DYNC1I1: variants seen among roughly 807,000 people sequenced by gnomAD.
DYNC1I1 encodes the protein dynein cytoplasmic 1 intermediate chain 1, also known as cytoplasmic dynein 1 intermediate chain 1.
In DYNC1I1, 43 loss-of-function variants were observed where a neutral mutation model predicts 86.6. The ratio of observed to expected loss-of-function variants is 0.50; its 90% CI spans 0.39 to 0.64. The LOEUF is 0.64. Among genes scored for constraint, DYNC1I1 ranks in the 30% least tolerant of loss-of-function variants. The pLI, the probability that DYNC1I1 is intolerant of heterozygous loss-of-function variation, is 0.00. For synonymous variants in DYNC1I1, 262 were observed against 283.7 expected, an observed-to-expected ratio of 0.92 and a Z score of 0.77; for missense variants, 604 against 788.8, an observed-to-expected ratio of 0.77 and a Z score of 2.81.
At chr7:95,783,383 C>T (rs1200604801) in intron 1 of DYNC1I1, among the ~76,000 whole-genome samples, 1 of 152,156 alleles carries the variant, frequency 6.6e-6, no homozygotes. Flanking sequence ...TTATGGAATG[C>T]CAGCCATGAG....
chr7:96,062,240 T>A (rs1206064369), intron 14 of DYNC1I1, among the ~76,000 whole-genome samples: 1 of 152,208 alleles, frequency 6.6e-6, no homozygotes, highest in Non-Finnish European at 1.5e-5. Flanking sequence ...TTTTTCATGT[T>A]AAGGATTTAT....
At chr7:96,099,149 G>A (rs573952285), downstream of DYNC1I1, among the ~76,000 whole-genome samples, 13 of 152,298 alleles carry the variant, frequency 8.5e-5, no homozygotes, top group South Asian at 2.5e-3. Context: ...GAATAAAAAT[G>A]CAAAACGCGT....
intron 6 of DYNC1I1, among the ~76,000 whole-genome samples, chr7:95,945,089 A>T (rs1455367242): frequency 6.6e-6 from 1 of 151,664 alleles, no homozygotes; most frequent in Non-Finnish European, 1.5e-5. Context: ...AATAAAATAA[A>T]AAACCATTTT....
intron 1 of DYNC1I1, among the ~76,000 whole-genome samples, chr7:95,797,498 G>T (rs1371480630): frequency 1.3e-5 from 2 of 152,170 alleles, no homozygotes; most frequent in African/African-American, 4.8e-5. Flanking sequence ...AATATAATGT[G>T]TCAATATTTG....
intron 16 of DYNC1I1, among the ~76,000 whole-genome samples, chr7:96,088,197 G>A (rs1790740667): frequency 1.3e-5 from 2 of 152,016 alleles, no homozygotes; most frequent in South Asian, 4.1e-4. Flanking sequence ...ATCTTCTCAA[G>A]CAAATGTTTT....
intron 10 of DYNC1I1, among the ~76,000 whole-genome samples, chr7:96,021,261 G>A (rs1446611394): frequency 6.6e-6 from 1 of 152,140 alleles, no homozygotes; most frequent in East Asian, 1.9e-4. Flanking sequence ...GCTTAAAGGA[G>A]TCACACAGCT....
intron 7 of DYNC1I1, among the ~76,000 whole-genome samples, chr7:95,977,914 A>G (rs1793349423): frequency 6.6e-6 from 1 of 152,222 alleles, no homozygotes; most frequent in African/African-American, 2.4e-5. Context: ...TATATTCCCA[A>G]TGATAACAGT....
chr7:95,806,147 A>T, intron 2 of DYNC1I1, among the ~76,000 whole-genome samples: 1 of 152,206 alleles, frequency 6.6e-6, no homozygotes, highest in East Asian at 1.9e-4. Flanking sequence ...CAAAGTCAAA[A>T]AAAGCATTAA....
In DYNC1I1 at chr7:95,813,345, T is replaced by C. The variant is rs766578627; in HGVS notation, c.314+8T>C. 2.5e-6 allele frequency: 4 copies of C among 1,609,370 alleles called. No homozygotes were observed. The highest frequency in any genetic ancestry group is 2.2e-5 in the East Asian group (1 of 44,762). ...TCTGGGGCCATTAACAAGGTAAGAATTGTCCCTTTAAAAGGCCATGATGGG... is the reference window on the plus strand; with the variant it reads ...TCTGGGGCCATTAACAAGGTAAGAACTGTCCCTTTAAAAGGCCATGATGGG... On this transcript the variant is annotated splice_region_variant and intron_variant, in intron 4 of 16. Coordinates refer to ENST00000447467, the MANE Select transcript of DYNC1I1 (RefSeq NM_001135556.2).
intron 5 of DYNC1I1, among the ~76,000 whole-genome samples, chr7:95,859,881 A>G (rs1175289356): frequency 6.6e-6 from 1 of 152,174 alleles, no homozygotes; most frequent in African/African-American, 2.4e-5. Flanking sequence ...GGATCCAAGG[A>G]AAAGTCCTGT....
At chr7:95,909,521 G>T (rs1791273069) in intron 6 of DYNC1I1, among the ~76,000 whole-genome samples, 1 of 152,080 alleles carries the variant, frequency 6.6e-6, no homozygotes, top group Admixed American at 6.6e-5. Flanking sequence ...GAATGTGAAG[G>T]AATTGGATCC....
chr7:95,873,133 A>T (rs1042980945), intron 6 of DYNC1I1, among the ~76,000 whole-genome samples: 1 of 152,178 alleles, frequency 6.6e-6, no homozygotes, highest in African/African-American at 2.4e-5. Flanking sequence ...GTTTGTTTTG[A>T]TAGTCACCTG....
intron 6 of DYNC1I1, among the ~76,000 whole-genome samples, chr7:95,948,544 C>G (rs1407746894): frequency 1.3e-5 from 2 of 152,116 alleles, no homozygotes; most frequent in African/African-American, 4.8e-5. Flanking sequence ...GAGTTGACAC[C>G]TTTGATTCCT....
intron 5 of DYNC1I1, among the ~76,000 whole-genome samples, chr7:95,862,894 A>G (rs1275515548): frequency 6.6e-6 from 1 of 152,220 alleles, no homozygotes; most frequent in East Asian, 1.9e-4. Context: ...AAATTAAAAC[A>G]TCTCTGTATT....
At chr7:95,858,167 T>C (rs1789775756) in intron 5 of DYNC1I1, among the ~76,000 whole-genome samples, 1 of 152,228 alleles carries the variant, frequency 6.6e-6, no homozygotes, top group African/African-American at 2.4e-5. Context: ...CAGGCCTGAC[T>C]AGTGAGCAAT....
intron 14 of DYNC1I1, among the ~76,000 whole-genome samples, chr7:96,042,023 A>C (rs529898930): frequency 3.1e-4 from 47 of 152,272 alleles, no homozygotes; most frequent in African/African-American, 1.1e-3. Context: ...ATTTGAAGTG[A>C]CTTTAAAACT....
intron 14 of DYNC1I1, among the ~76,000 whole-genome samples, chr7:96,056,688 A>G (rs898153617): frequency 2.0e-5 from 3 of 152,058 alleles, no homozygotes; most frequent in African/African-American, 7.2e-5. Flanking sequence ...CTCTCTCTAT[A>G]TATATCTATA....
chr7:95,827,984 A>G (rs1795239857), intron 4 of DYNC1I1, 73 bp from the exon 5 acceptor site: 9 of 1,496,408 alleles, frequency 6.0e-6, no homozygotes, highest in Non-Finnish European at 8.4e-6. Flanking sequence ...TGAATGACAT[A>G]GTTTGGTTTG....
At chr7:95,972,819 T>C (rs1229143754) in intron 6 of DYNC1I1, among the ~76,000 whole-genome samples, 2 of 152,178 alleles carry the variant, frequency 1.3e-5, no homozygotes, top group South Asian at 2.1e-4. Flanking sequence ...CTGCATAATA[T>C]GTAGTTACTC....
Sources: gnomAD v4.1 joint callset for allele counts (sites outside exome capture counted in the v4.1 genomes callset) on GRCh38, gnomAD v4.1.1 for gene constraint, MANE v1.5 for transcripts, NCBI Gene and HGNC (gene_info 2026-07-23, HGNC 2026-07-21) for gene names.